Variants in ELP1 observed in about 807,000 individuals in gnomAD.
ELP1 encodes the protein elongator acetyltransferase complex subunit 1.
A neutral mutation model predicts 183.2 loss-of-function variants in ELP1; 131 were observed. That is an observed-to-expected ratio of 0.72 (90% CI 0.62 to 0.83). ELP1 has a LOEUF of 0.83. Among genes scored for constraint, ELP1 ranks in the 40% least tolerant of loss-of-function variants. The probability of loss-of-function intolerance (pLI) is 0.00; values close to 1 mark genes in which losing one functional copy is unlikely to be tolerated. For missense variants in ELP1, 1,550 were observed against 1,594.9 expected, an observed-to-expected ratio of 0.97 and a Z score of 0.48; for synonymous variants, 555 against 569.0, an observed-to-expected ratio of 0.98 and a Z score of 0.35.
intron 3 of ELP1, among the ~76,000 whole-genome samples, chr9:108,929,520 A>C (rs1829928634): frequency 6.6e-6 from 1 of 152,250 alleles, no homozygotes. Context: ...TTTTAAAAAA[A>C]TATATTCTCA....
intron 25 of ELP1, among the ~76,000 whole-genome samples, chr9:108,895,799 A>C (rs909541715): frequency 5.9e-5 from 9 of 152,202 alleles, no homozygotes; most frequent in African/African-American, 2.2e-4. Flanking sequence ...AAATGTACCA[A>C]CATAGGAAAG....
chr9:108,898,379 T>C, intron 22 of ELP1, 123 bp downstream of exon 22: 1 of 684,324 alleles, frequency 1.5e-6, no homozygotes, highest in Non-Finnish European at 2.5e-6. Flanking sequence ...ATCTAAGAGT[T>C]ATAGCAATTT....
At chr9:108,923,116 T>A (rs915537520) in intron 5 of ELP1, among the ~76,000 whole-genome samples, 189 bp from the exon 6 acceptor site, 16 of 152,202 alleles carry the variant, frequency 1.1e-4, no homozygotes, top group African/African-American at 3.9e-4. Context: ...ATGCCTATAG[T>A]CCCAACACTT....
chr9:108,910,825 A>G (rs1329210615), intron 12 of ELP1, among the ~76,000 whole-genome samples, 185 bp downstream of exon 12: 1 of 104,796 alleles, frequency 9.5e-6, no homozygotes, highest in Non-Finnish European at 1.9e-5. Context: ...AAACCAGTAT[A>G]GGATTAAAAA....
At position 108,931,084 on chromosome 9, in the gene ELP1, A is replaced by G; in HGVS notation, c.63T>C (p.Pro21=). The G allele has an allele frequency of 6.2e-7, 1 of 1,614,086 alleles. No homozygotes were observed. Among genetic ancestry groups the G allele is most frequent in the Non-Finnish European group, 8.5e-7 (1 of 1,179,918 alleles). The change falls in exon 2 of 37, where the codon CCT becomes CCC. Residue 21 remains proline (P), a synonymous_variant. Transcript: ENST00000374647. ...EFRDIQGPGN[P]QCFSLRTEQG... ...GTTCAGTTCGGAGAGAGAAGCACTG[A>G]GGATTCCCTGGACCTTGAATATCCC... is the stretch of plus-strand genomic sequence containing the variant.
rs1285235847 is a variant in ELP1, at chr9:108,893,927, T to C, written c.2860+16A>G. Reference sequence around the variant, plus strand: ...AGATCTGAAGTAGAGATAAACATACTAATCCCCACACTTACCACATTTGCT... The same window carrying C: ...AGATCTGAAGTAGAGATAAACATACCAATCCCCACACTTACCACATTTGCT... On this transcript the variant is annotated intron_variant, in intron 26 of 36. Transcript: ENST00000374647. The C allele has an allele frequency of 1.2e-6, 2 of 1,613,478 alleles. No homozygotes were observed. Among genetic ancestry groups the C allele is most frequent in the African/African-American group, 1.3e-5 (1 of 75,032 alleles).
At chr9:108,903,974 A>G (rs1312256357) in intron 14 of ELP1, among the ~76,000 whole-genome samples, 1 of 152,152 alleles carries the variant, frequency 6.6e-6, no homozygotes, top group Non-Finnish European at 1.5e-5. Context: ...AGTTGTTTAC[A>G]CTGTGAAGTC....
Position 108,869,026 on chromosome 9 carries a change from T to A in ELP1, c.*89A>T. The A allele has an allele frequency of 9.0e-7, 1 of 1,107,590 alleles. No individual in the cohort carries two copies. Among genetic ancestry groups the A allele is most frequent in the Non-Finnish European group, 1.4e-6 (1 of 717,632 alleles). 68.6% of individuals were successfully genotyped at this position (1,107,590 alleles called of 1,614,324 possible). On this transcript the variant is annotated 3_prime_UTR_variant, in exon 37 of 37. Coordinates refer to ENST00000374647, the MANE Select transcript of ELP1 (RefSeq NM_003640.5). ...TCATTTTACTCTTTCCAGTTCTCAA[T>A]AGCCAGCCCTCAAAGAGCAAGGGGT...
At chr9:108,911,238 G>T in intron 11 of ELP1, 58 bp from the exon 12 acceptor site, 1 of 1,513,684 alleles carries the variant, frequency 6.6e-7, no homozygotes, top group Non-Finnish European at 9.1e-7. Flanking sequence ...TGTAAGATAA[G>T]CCATCTGAAC....
At chr9:108,896,910 G>T in intron 24 of ELP1, 43 bp downstream of exon 24, 2 of 1,530,890 alleles carry the variant, frequency 1.3e-6, no homozygotes, top group South Asian at 1.1e-5. Flanking sequence ...ACTAGTAGCA[G>T]TCACGGCCAC....
Position 108,898,482 on chromosome 9 carries a change from G to A in ELP1, c.2363+20C>T, listed in dbSNP as rs774453432. On this transcript the variant is annotated intron_variant, in intron 22 of 36. Coordinates refer to ENST00000374647, the MANE Select transcript of ELP1 (RefSeq NM_003640.5). ...AGAAAACTATGGAAAAGATACACATGAATTATTCAAAATACTTACTTCAAT... is the reference window on the plus strand; with the variant it reads ...AGAAAACTATGGAAAAGATACACATAAATTATTCAAAATACTTACTTCAAT... 7.3e-7 allele frequency: 1 copy of A among 1,371,166 alleles called. No individual in the cohort carries two copies. The highest frequency in any genetic ancestry group is 1.2e-5 in the South Asian group (1 of 84,254). The allele number at this position is 1,371,166 out of a possible 1,614,324, so 84.9% of individuals were successfully genotyped here. A position where few individuals can be genotyped will look rare whatever the true frequency, so the allele number is the denominator to read the frequency against.
At chr9:108,923,583 C>T (rs1018286161) in intron 5 of ELP1, among the ~76,000 whole-genome samples, 5 of 152,008 alleles carry the variant, frequency 3.3e-5, no homozygotes, top group African/African-American at 7.3e-5. Context: ...AACATAAAAC[C>T]CCAAGATGAG....
chr9:108,881,733 T>C lies in ELP1; in HGVS notation c.3318A>G (p.Glu1106=). The change falls in exon 31 of 37, where the codon GAA becomes GAG. Residue 1106 remains glutamate, a synonymous_variant. Transcript: ENST00000374647. The part of the protein sequence containing the change: ...VYKYNRLDII[E]TNVKPSILEA... ...CTAAAATGGAAGGCTTTACGTTGGT[T>C]TCTATAATATCCAGTCTGTTATATT... is the stretch of plus-strand genomic sequence containing the variant. The C allele has an allele frequency of 6.3e-7, 1 of 1,584,812 alleles. No homozygotes were observed. Among genetic ancestry groups the C allele is most frequent in the African/African-American group, 1.3e-5 (1 of 74,444 alleles).
At chr9:108,881,456 T>C (rs1296256089) in intron 31 of ELP1, among the ~76,000 whole-genome samples, 1 of 152,230 alleles carries the variant, frequency 6.6e-6, no homozygotes, top group Non-Finnish European at 1.5e-5. Context: ...AAGTTTACTA[T>C]TTCCAAATAC....
In ELP1 at chr9:108,901,820, C is replaced by T. The variant is rs2275632; in HGVS notation, c.1855-139G>A. On this transcript the variant is annotated intron_variant, in intron 16 of 36. Transcript: ENST00000374647. Reference sequence around the variant, plus strand: ...CAGGACTAAAGATAGATACCTAAGACGTGGCTGGTCCAGTGCAAAATGGAA... The same window carrying T: ...CAGGACTAAAGATAGATACCTAAGATGTGGCTGGTCCAGTGCAAAATGGAA... 60,921 of 829,836 alleles carry T rather than the reference C, an allele frequency of 0.073. 3,618 individuals carry two copies. The highest frequency in any genetic ancestry group is 0.22 in the African/African-American group (12,953 of 59,318). The allele number at this position is 829,836 out of a possible 1,614,324, so 51.4% of individuals were successfully genotyped here.
chr9:108,926,992 T>C (rs1246621561), intron 4 of ELP1, among the ~76,000 whole-genome samples: 1 of 152,210 alleles, frequency 6.6e-6, no homozygotes, highest in African/African-American at 2.4e-5. Flanking sequence ...GAAGGGCTTT[T>C]AGAATGTGTC....
rs1171506028 is a variant in ELP1, at chr9:108,929,215, TTGCTGTTAAGAAGGTGAGGA to T, written c.303+534_303+553del. Among the ~76,000 whole-genome samples the T allele has an allele frequency of 4.6e-3, 702 of 152,354 alleles. 5 individuals carry two copies. Among genetic ancestry groups the T allele is most frequent in the African/African-American group, 0.016 (668 of 41,570 alleles). On this transcript the variant is annotated intron_variant, in intron 3 of 36. Transcript: ENST00000374647. The stretch of plus-strand genomic sequence containing the variant: ...ATCAGCCAAGTGTAATTTGAAACCC[TTGCTGTTAAGAAGGTGAGGA>T]TAGAAATCAGAAACTCAACTATACA...
intron 20 of ELP1, 79 bp downstream of exon 20, chr9:108,899,743 C>A: frequency 8.5e-7 from 1 of 1,178,432 alleles, no homozygotes; most frequent in South Asian, 1.2e-5. Context: ...TTTAAGTTCT[C>A]GAAATTGTAA....
chr9:108,873,951 G>T (rs1463450483), intron 36 of ELP1, among the ~76,000 whole-genome samples: 1 of 152,160 alleles, frequency 6.6e-6, no homozygotes, highest in Non-Finnish European at 1.5e-5. Flanking sequence ...CTAGACAGAA[G>T]AGGAGCTAGG....
Sources: gnomAD v4.1 joint callset for allele counts (sites outside exome capture counted in the v4.1 genomes callset) on GRCh38, gnomAD v4.1.1 for gene constraint, MANE v1.5 for transcripts, NCBI Gene and HGNC (gene_info 2026-07-23, HGNC 2026-07-21) for gene names.